The following NDUFV2 variants were observed in gnomAD, a reference collection of about 807,000 sequenced individuals.
The protein encoded by NDUFV2 is NADH dehydrogenase [ubiquinone] flavoprotein 2, mitochondrial.
Under a neutral mutation model 31.6 loss-of-function variants are expected in NDUFV2, and 18 were observed. That is an observed-to-expected ratio of 0.57 (90% CI 0.39 to 0.84). The LOEUF (loss-of-function observed/expected upper bound fraction) is 0.84, where lower values mean the gene tolerates loss of function less well. NDUFV2 is among the 40% of genes least tolerant of loss of function. NDUFV2 has a pLI of 0.00. For synonymous variants in NDUFV2, 83 were observed against 99.8 expected (o/e 0.83, Z 1.01); for missense variants, 314 against 303.6 (o/e 1.03, Z -0.26).
chr18:9,119,230 G>A (rs2077916622), intron 2 of NDUFV2, 96 bp from the exon 3 acceptor site: 1 of 960,054 alleles, frequency 1.0e-6, no homozygotes, highest in South Asian at 1.3e-5. Context: ...AATTAAAATG[G>A]AGAGATTAAA....
chr18:9,103,978 C>G (rs2077828317), intron 1 of NDUFV2: 1 of 571,168 alleles, frequency 1.8e-6, no homozygotes, highest in Non-Finnish European at 2.9e-6. Context: ...TTAGACAGTT[C>G]CCGTTCTTTT....
Position 9,124,906 on chromosome 18 carries a change from C to G in NDUFV2, c.502C>G (p.Leu168Val). 6.2e-7 allele frequency: 1 copy of G among 1,612,478 alleles called. No homozygotes were observed. The highest frequency in any genetic ancestry group is 8.5e-7 in the Non-Finnish European group (1 of 1,179,452). Residue 168 changes from leucine to valine, a missense_variant, in exon 6 of 8, where the codon CTT becomes GTT. By Grantham distance (32) the Leu-to-Val change is conservative. Transcript: ENST00000318388. ...GGTTGGGGAGACTACACCTGACAAA[C>G]TTTTCACTCTTATAGAAGTGGAATG... The part of the protein sequence containing the change: ...IKVGETTPDK[L>V]FTLIEVECLG...
intron 4 of NDUFV2, among the ~76,000 whole-genome samples, 169 bp from the exon 5 acceptor site, chr18:9,122,344 A>G (rs1434353544): frequency 1.3e-5 from 2 of 152,194 alleles, no homozygotes; most frequent in Non-Finnish European, 2.9e-5. Context: ...GCAAAAATTG[A>G]AGAGTTTATA....
intron 4 of NDUFV2, among the ~76,000 whole-genome samples, chr18:9,120,373 A>C (rs1213722593): frequency 6.6e-6 from 1 of 152,212 alleles, no homozygotes; most frequent in Non-Finnish European, 1.5e-5. Context: ...TGGCAATGAA[A>C]GTTTTGAACC....
At chr18:9,126,707 G>T in intron 6 of NDUFV2, 124 bp from the exon 7 acceptor site, 1 of 809,020 alleles carries the variant, frequency 1.2e-6, no homozygotes, top group Non-Finnish European at 2.1e-6. Flanking sequence ...GGCTGAGGTA[G>T]GAGGATTGCT....
chr18:9,119,826 G>GT lies in NDUFV2; in HGVS notation c.300+247dup, dbSNP rs993181743. Among the ~76,000 whole-genome samples, 85 of 144,666 alleles carry GT rather than the reference G, an allele frequency of 5.9e-4. 1 individual carries two copies. The highest frequency in any genetic ancestry group is 6.6e-4 in the Non-Finnish European group (43 of 65,584). 94.9% of individuals were successfully genotyped at this position (144,666 alleles called of 152,430 possible). ...GGCATTATGGTGAAAGAGGGTATGT[G>GT]TTTTTTTTTTTCCTTTTGAAGGAAA... On this transcript the variant is annotated intron_variant, in intron 4 of 7. Transcript: ENST00000318388.
intron 6 of NDUFV2, among the ~76,000 whole-genome samples, chr18:9,125,541 G>T (rs990186536): frequency 2.2e-4 from 25 of 115,878 alleles, no homozygotes; most frequent in African/African-American, 3.5e-4. Context: ...GAGCGTTTCT[G>T]TTTTTTTTTT....
At chr18:9,113,041 A>G (rs184528855) in intron 1 of NDUFV2, among the ~76,000 whole-genome samples, 1 of 152,300 alleles carries the variant, frequency 6.6e-6, no homozygotes, top group East Asian at 1.9e-4. Flanking sequence ...AATACTCTAC[A>G]TATGGAGAGA....
At chr18:9,103,477 C>A (rs1239455909) in intron 1 of NDUFV2, 1 of 222,888 alleles carries the variant, frequency 4.5e-6, no homozygotes, top group African/African-American at 2.3e-5. Flanking sequence ...AACACTCCTT[C>A]ACGTTAATCT....
At chr18:9,110,493 C>G (rs1057460355) in intron 1 of NDUFV2, among the ~76,000 whole-genome samples, 4 of 151,880 alleles carry the variant, frequency 2.6e-5, no homozygotes, top group East Asian at 1.9e-4. Flanking sequence ...TAGTTTGTTT[C>G]TTTCTTTATT....
At chr18:9,125,963 A>AC (rs1260954594) in intron 6 of NDUFV2, among the ~76,000 whole-genome samples, 1 of 152,158 alleles carries the variant, frequency 6.6e-6, no homozygotes, top group Admixed American at 6.6e-5. Context: ...GTCTCTTGTT[A>AC]GACTCTCTGG....
At chr18:9,105,222 T>A (rs2077835764) in intron 1 of NDUFV2, among the ~76,000 whole-genome samples, 1 of 152,250 alleles carries the variant, frequency 6.6e-6, no homozygotes, top group Admixed American at 6.5e-5. Flanking sequence ...ATGAGAAACC[T>A]TTAAAGATTA....
chr18:9,102,825 C>G (rs1210726465), intron 1 of NDUFV2, 28 bp downstream of exon 1: 1 of 1,540,432 alleles, frequency 6.5e-7, no homozygotes, highest in East Asian at 2.5e-5. Flanking sequence ...GAGCCCGGCG[C>G]TGCCGCCGCC....
At chr18:9,126,391 G>T (rs1415117134) in intron 6 of NDUFV2, among the ~76,000 whole-genome samples, 1 of 152,160 alleles carries the variant, frequency 6.6e-6, no homozygotes, top group Non-Finnish European at 1.5e-5. Context: ...ACAAACTTGG[G>T]GAGGCTGGGT....
chr18:9,117,562 A>T (rs762133571), intron 1 of NDUFV2: 4 of 398,370 alleles, frequency 1.0e-5, no homozygotes, highest in Non-Finnish European at 1.4e-5. Flanking sequence ...ATGCCAGCAG[A>T]GCGTGGCAGG....
intron 1 of NDUFV2, among the ~76,000 whole-genome samples, chr18:9,109,212 A>C (rs1206150265): frequency 6.6e-6 from 1 of 152,220 alleles, no homozygotes; most frequent in Non-Finnish European, 1.5e-5. Context: ...ACTCTTGCAC[A>C]GGCAAATAGA....
At chr18:9,133,193 G>T (rs1440219133) in intron 7 of NDUFV2, among the ~76,000 whole-genome samples, 1 of 152,226 alleles carries the variant, frequency 6.6e-6, no homozygotes, top group African/African-American at 2.4e-5. Flanking sequence ...AGACTTAAAG[G>T]ATTGATGACA....
At chr18:9,124,170 A>G (rs1402330667) in intron 5 of NDUFV2, among the ~76,000 whole-genome samples, 3 of 151,894 alleles carry the variant, frequency 2.0e-5, no homozygotes, top group Non-Finnish European at 4.4e-5. Context: ...CTTGAATGTT[A>G]AAATTACATA....
rs1406356199 is a variant in NDUFV2, at chr18:9,120,338, C to T, written c.300+748C>T. Among the ~76,000 whole-genome samples, 4 of 152,230 alleles carry T rather than the reference C, an allele frequency of 2.6e-5. No individual in the cohort carries two copies. In the South Asian group the frequency reaches 6.2e-4, roughly 24 times the overall value. ...TATTTTTGACTTAGAACTAAGACACCTGATTTTTCTCTGAACTTCCTCATT... is the reference window on the plus strand; with the variant it reads ...TATTTTTGACTTAGAACTAAGACACTTGATTTTTCTCTGAACTTCCTCATT... On this transcript the variant is annotated intron_variant, in intron 4 of 7. Coordinates refer to ENST00000318388, the MANE Select transcript of NDUFV2 (RefSeq NM_021074.5).
Sources: gnomAD v4.1 joint callset for allele counts (sites outside exome capture counted in the v4.1 genomes callset) on GRCh38, gnomAD v4.1.1 for gene constraint, MANE v1.5 for transcripts, NCBI Gene and HGNC (gene_info 2026-07-23, HGNC 2026-07-21) for gene names.